SCMH1: variants seen among roughly 807,000 people sequenced by gnomAD.
The protein encoded by SCMH1 is polycomb protein SCMH1.
In SCMH1, 37 loss-of-function variants were observed where a neutral mutation model predicts 70.8. The observed-to-expected ratio is 0.52, with a 90% CI of 0.40 to 0.69. SCMH1 has a LOEUF of 0.69. SCMH1 is among the 30% of genes least tolerant of loss of function. The pLI, the probability that SCMH1 is intolerant of heterozygous loss-of-function variation, is 0.00. For missense variants in SCMH1, 607 were observed against 827.3 expected (o/e 0.73, Z 3.27); for synonymous variants, 292 against 307.4 (o/e 0.95, Z 0.52).
intron 1 of SCMH1, among the ~76,000 whole-genome samples, chr1:41,194,392 G>A (rs995677464): frequency 5.3e-5 from 8 of 152,168 alleles, no homozygotes; most frequent in Admixed American, 4.6e-4. Flanking sequence ...TTAGTACGAT[G>A]TAGAAATCTA....
intron 1 of SCMH1, among the ~76,000 whole-genome samples, chr1:41,210,652 C>T (rs1656801787): frequency 6.6e-6 from 1 of 152,068 alleles, no homozygotes; most frequent in Non-Finnish European, 1.5e-5. Context: ...ACTGGCTAGC[C>T]ATATGCAGAA....
intron 10 of SCMH1, among the ~76,000 whole-genome samples, chr1:41,065,708 T>A (rs1654363370): frequency 6.6e-6 from 1 of 151,842 alleles, no homozygotes. Context: ...GGCAATACAA[T>A]AAAAAATAGA....
Position 41,129,561 on chromosome 1 carries a change from A to G in SCMH1, c.413-12551T>C, listed in dbSNP as rs150621464. ...CTCTTTAAGGCTGAATAATATTCCC[A>G]TTGCATCTCTCTCTCTTCCCCAGCC... On this transcript the variant is annotated intron_variant, in intron 6 of 14. Coordinates refer to ENST00000337495, the Ensembl canonical transcript of SCMH1. 1.6e-3 allele frequency among the ~76,000 whole-genome samples: 246 copies of G among 152,202 alleles called. 6 individuals carry two copies. The East Asian group carries it at 0.033, about 20-fold the overall frequency.
chr1:41,221,509 G>A (rs1659262888), intron 1 of SCMH1, among the ~76,000 whole-genome samples: 1 of 149,938 alleles, frequency 6.7e-6, no homozygotes, highest in Non-Finnish European at 1.5e-5. Context: ...AAAAAAAGAG[G>A]ATGAAATAAT....
chr1:41,048,580 T>G (rs955157388), intron 11 of SCMH1, 110 bp downstream of exon 11: 40 of 961,134 alleles, frequency 4.2e-5, no homozygotes, highest in Admixed American at 6.0e-5. Context: ...TTCACATTTT[T>G]CCAGAGCCTG....
chr1:41,057,907 G>A (rs72663755), intron 10 of SCMH1, among the ~76,000 whole-genome samples: 8,799 of 152,074 alleles, frequency 0.058, 399 homozygotes, highest in Middle Eastern at 0.22. Flanking sequence ...GATTGAGTGA[G>A]CTCAAGAGTT....
At chr1:41,123,681 G>A (rs1187912836) in intron 6 of SCMH1, among the ~76,000 whole-genome samples, 3 of 152,184 alleles carry the variant, frequency 2.0e-5, no homozygotes, top group Non-Finnish European at 4.4e-5. Flanking sequence ...TTAAGTAGAA[G>A]AATCAGTCAG....
chr1:41,148,634 C>T (rs1644798126), intron 5 of SCMH1, among the ~76,000 whole-genome samples: 1 of 152,028 alleles, frequency 6.6e-6, no homozygotes, highest in East Asian at 1.9e-4. Flanking sequence ...ATTAGTTATC[C>T]TATATATAAA....
At chr1:41,088,990 T>A (rs574408588) in intron 8 of SCMH1, among the ~76,000 whole-genome samples, 2 of 152,294 alleles carry the variant, frequency 1.3e-5, no homozygotes, top group African/African-American at 4.8e-5. Context: ...TTCTTAAACT[T>A]TAGTCTGCAT....
chr1:41,224,441 C>A (rs1659884883), intron 1 of SCMH1, among the ~76,000 whole-genome samples: 1 of 152,122 alleles, frequency 6.6e-6, no homozygotes, highest in Non-Finnish European at 1.5e-5. Flanking sequence ...TAGAGTTAAG[C>A]ATACACTAGT....
chr1:41,168,971 C>G (rs1044202449), intron 2 of SCMH1, among the ~76,000 whole-genome samples: 7 of 152,158 alleles, frequency 4.6e-5, no homozygotes, highest in Non-Finnish European at 8.8e-5. Context: ...ATCTTCACAG[C>G]TGAGCCTGAG....
At chr1:41,158,824 G>A (rs1645784167) in intron 4 of SCMH1, among the ~76,000 whole-genome samples, 1 of 152,218 alleles carries the variant, frequency 6.6e-6, no homozygotes, top group African/African-American at 2.4e-5. Context: ...CGGCAGAGTG[G>A]CAATGAGAAG....
At chr1:41,216,803 A>G (rs1658184607) in intron 1 of SCMH1, among the ~76,000 whole-genome samples, 1 of 152,200 alleles carries the variant, frequency 6.6e-6, no homozygotes, top group South Asian at 2.1e-4. Context: ...TCTCTATTTC[A>G]GTTTCCCAGG....
intron 1 of SCMH1, among the ~76,000 whole-genome samples, chr1:41,209,895 T>C (rs1419948114): frequency 1.3e-5 from 2 of 152,204 alleles, no homozygotes; most frequent in Non-Finnish European, 2.9e-5. Context: ...TAAAGGGTAT[T>C]CAATTAGGAA....
chr1:41,221,644 T>C (rs1659305437), intron 1 of SCMH1, among the ~76,000 whole-genome samples: 1 of 150,916 alleles, frequency 6.6e-6, no homozygotes, highest in African/African-American at 2.4e-5. Context: ...TCCCAGCACT[T>C]TGGGAAGCCA....
chr1:41,086,132 C>A (rs553367582), intron 8 of SCMH1, among the ~76,000 whole-genome samples: 1 of 152,230 alleles, frequency 6.6e-6, no homozygotes, highest in East Asian at 1.9e-4. Flanking sequence ...AGCCACCACG[C>A]CCAGCCTTTC....
intron 1 of SCMH1, among the ~76,000 whole-genome samples, chr1:41,196,787 T>C (rs1434668945): frequency 1.3e-5 from 2 of 152,092 alleles, no homozygotes; most frequent in East Asian, 3.9e-4. Flanking sequence ...AGACAATACT[T>C]GCAAATCATG....
chr1:41,122,324 A>G (rs1388703764), intron 6 of SCMH1, among the ~76,000 whole-genome samples: 1 of 151,878 alleles, frequency 6.6e-6, no homozygotes, highest in East Asian at 1.9e-4. Flanking sequence ...CTTTTAATCA[A>G]CTCTTTACAG....
intron 7 of SCMH1, among the ~76,000 whole-genome samples, chr1:41,114,032 T>C (rs1470368165): frequency 2.0e-5 from 3 of 152,228 alleles, no homozygotes; most frequent in Admixed American, 1.3e-4. Flanking sequence ...TCATTGTATA[T>C]ATATATCGAA....
Sources: gnomAD v4.1 joint callset for allele counts (sites outside exome capture counted in the v4.1 genomes callset) on GRCh38, gnomAD v4.1.1 for gene constraint, MANE v1.5 for transcripts, NCBI Gene and HGNC (gene_info 2026-07-23, HGNC 2026-07-21) for gene names.